MIDEAS: variants seen among roughly 807,000 people sequenced by gnomAD.
MIDEAS encodes mitotic deacetylase-associated SANT domain protein.
In MIDEAS, 26 loss-of-function variants were observed where a neutral mutation model predicts 102.7. The ratio of observed to expected loss-of-function variants is 0.25; its 90% CI spans 0.19 to 0.35. MIDEAS has a LOEUF of 0.35. MIDEAS is among the 10% of genes least tolerant of loss of function. MIDEAS has a pLI of 1.00. For missense variants in MIDEAS, 1,231 were observed against 1,435.6 expected, an observed-to-expected ratio of 0.86 and a Z score of 2.30; for synonymous variants, 585 against 591.0, an observed-to-expected ratio of 0.99 and a Z score of 0.15.
intron 1 of MIDEAS, among the ~76,000 whole-genome samples, chr14:73,768,630 G>A (rs2053612548): frequency 1.3e-5 from 2 of 150,828 alleles, no homozygotes; most frequent in South Asian, 4.2e-4. Flanking sequence ...GACTACAGGT[G>A]TGCACCACCA....
chr14:73,779,891 G>T (rs563105852), intron 1 of MIDEAS, among the ~76,000 whole-genome samples: 6 of 124,642 alleles, frequency 4.8e-5, no homozygotes, highest in South Asian at 5.2e-4. Flanking sequence ...ATTTTTTTTT[G>T]AGACAGAGTC....
At chr14:73,789,553 T>G (rs2053849679), upstream of MIDEAS, among the ~76,000 whole-genome samples, 1 of 152,214 alleles carries the variant, frequency 6.6e-6, no homozygotes, top group African/African-American at 2.4e-5. Context: ...CTTAAGCTGC[T>G]GTGTTTTGAG....
chr14:73,746,968 G>A (rs574055500), intron 1 of MIDEAS, among the ~76,000 whole-genome samples: 35 of 152,284 alleles, frequency 2.3e-4, no homozygotes, highest in African/African-American at 5.8e-4. Context: ...CCCGTGCAGG[G>A]ACTAGGGGTA....
intron 1 of MIDEAS, among the ~76,000 whole-genome samples, chr14:73,772,418 C>T (rs2053649911): frequency 6.6e-6 from 1 of 152,204 alleles, no homozygotes; most frequent in South Asian, 2.1e-4. Flanking sequence ...AGTTTTTATG[C>T]ACTTATGCAA....
intron 1 of MIDEAS, among the ~76,000 whole-genome samples, chr14:73,745,313 T>A (rs758803854): frequency 6.6e-6 from 1 of 152,148 alleles, no homozygotes; most frequent in Admixed American, 6.5e-5. Flanking sequence ...CCACAACACA[T>A]GCAGGCCAAC....
At chr14:73,778,611 C>A (rs1221019659) in intron 1 of MIDEAS, among the ~76,000 whole-genome samples, 2 of 151,880 alleles carry the variant, frequency 1.3e-5, no homozygotes, top group Non-Finnish European at 2.9e-5. Flanking sequence ...ACAGAGGAAG[C>A]AGACACATCT....
chr14:73,740,863 G>A lies in MIDEAS; in HGVS notation c.-247-608C>T, dbSNP rs144114407. ...TCCTCCTGTGCAGCCCCAGAGTCAG[G>A]AGCTCCAACAGACCCTTGTAGAGTC... On this transcript the variant is annotated intron_variant, in intron 1 of 12. Transcript: ENST00000423556. Among the ~76,000 whole-genome samples, 165 of 152,374 alleles carry A rather than the reference G, an allele frequency of 1.1e-3. 1 individual carries two copies. Among genetic ancestry groups the A allele is most frequent in the East Asian group, 3.5e-3 (18 of 5,194 alleles).
At chr14:73,757,279 C>CAAAAAAAAAA (rs370387448) in intron 1 of MIDEAS, among the ~76,000 whole-genome samples, 2,834 of 67,038 alleles carry the variant, frequency 0.042, 203 homozygotes, top group African/African-American at 0.082. Context: ...CTCTAACAAC[C>CAAAAAAAAAA]AAAAAAAAAA....
In MIDEAS at chr14:73,739,279, G is replaced by A. The variant is rs1206866427; in HGVS notation, c.730C>T (p.Pro244Ser). 6.2e-7 allele frequency: 1 copy of A among 1,612,088 alleles called. No individual in the cohort carries two copies. Residue 244 changes from proline (P) to serine (S), a missense_variant, in exon 2 of 13, where the codon CCT becomes TCT. Pro to Ser is a moderately conservative substitution (Grantham distance 74). Coordinates refer to ENST00000423556, the MANE Select transcript of MIDEAS (RefSeq NM_001367710.1). ...PPPPNPVAAF[P>S]PQKQQQQQQP... is the part of the protein sequence containing the mutation. ...TGCTGCTGCTGCTGCTTCTGTGGAG[G>A]GAAGGCAGCCACCGGGTTTGGGGGC...
Position 73,719,299 on chromosome 14 carries a change from C to A in MIDEAS, c.3134+6G>T. On this transcript the variant is annotated splice_donor_region_variant and intron_variant, in intron 12 of 12. Coordinates refer to ENST00000423556, the MANE Select transcript of MIDEAS (RefSeq NM_001367710.1). ...GTCCCAGCGGGGACAGCGCTGCCCA[C>A]CTTACCTGCCACATTTTTTACAGGG... 6.2e-7 allele frequency: 1 copy of A among 1,613,070 alleles called. No homozygotes were observed. The highest frequency in any genetic ancestry group is 8.5e-7 in the Non-Finnish European group (1 of 1,179,790).
At chr14:73,758,499 A>T (rs373088049) in intron 1 of MIDEAS, among the ~76,000 whole-genome samples, 1 of 152,182 alleles carries the variant, frequency 6.6e-6, no homozygotes, top group East Asian at 1.9e-4. Context: ...CTGCTGGAGC[A>T]AGCCAGACAT....
At position 73,725,506 on chromosome 14, in the gene MIDEAS, C is replaced by T. The variant is rs2053049140; in HGVS notation, c.2486-146G>A. On this transcript the variant is annotated intron_variant, in intron 8 of 12. Transcript: ENST00000423556. This position sits in a 1 kb window ranked among gnomAD's most constrained non-coding sequence, Gnocchi z 4.1. The stretch of plus-strand genomic sequence containing the variant: ...GGCTCCTCGTCCCACTTCCATGTGC[C>T]TCACAGCCTCGCTCCCTTGCTTGTG... The T allele has an allele frequency of 1.6e-6, 1 of 641,310 alleles. No homozygotes were observed. The highest frequency in any genetic ancestry group is 1.8e-5 in the African/African-American group (1 of 55,048). The allele number at this position is 641,310 out of a possible 1,614,324, so 39.7% of individuals were successfully genotyped here.
chr14:73,715,980 A>G lies in MIDEAS; in HGVS notation c.*2863T>C, dbSNP rs1270177909. On this transcript the variant is annotated 3_prime_UTR_variant, in exon 13 of 13. Transcript: ENST00000423556. The stretch of plus-strand genomic sequence containing the variant: ...AGAAATGGTCTGCAACACAGGCACT[A>G]GGTCAGTTTCCCGCCCTTAGCTGAA... 6.6e-6 allele frequency: 1 copy of G among 152,374 alleles called. No individual in the cohort carries two copies. Among genetic ancestry groups the G allele is most frequent in the East Asian group, 1.9e-4 (1 of 5,200 alleles). The allele number at this position is 152,374 out of a possible 1,614,324, so 9.4% of individuals were successfully genotyped here. A position where few individuals can be genotyped will look rare whatever the true frequency, so the allele number is the denominator to read the frequency against.
intron 10 of MIDEAS, chr14:73,722,457 T>C (rs1238608493): frequency 3.6e-5 from 13 of 365,750 alleles, no homozygotes; most frequent in Admixed American, 2.2e-4. Flanking sequence ...AGGAAGATGA[T>C]GCTGGTGTGA....
intron 1 of MIDEAS, among the ~76,000 whole-genome samples, chr14:73,775,334 T>C (rs2053680424): frequency 6.6e-6 from 1 of 152,032 alleles, no homozygotes; most frequent in Non-Finnish European, 1.5e-5. Context: ...GGGGGTGATA[T>C]GACCAAAGCT....
chr14:73,759,013 C>T lies in MIDEAS; in HGVS notation c.-248+750G>A, dbSNP rs1404252287. Among the ~76,000 whole-genome samples the T allele has an allele frequency of 2.6e-5, 4 of 152,192 alleles. No homozygotes were observed. The South Asian group carries it at 8.3e-4, about 31-fold the overall frequency. ...GGGTTTCGGCGCTGCCGCCAGGCAC[C>T]AGGGAACACAGCTCCCCGCGAGGCA... On this transcript the variant is annotated intron_variant, in intron 1 of 12. Transcript: ENST00000423556. The surrounding 1 kb of genome is among the most constrained non-coding windows in gnomAD (Gnocchi z 6.7).
chr14:73,740,669 C>G (rs2053270916), intron 1 of MIDEAS, among the ~76,000 whole-genome samples: 1 of 152,252 alleles, frequency 6.6e-6, no homozygotes, highest in Non-Finnish European at 1.5e-5. Context: ...TTACCCAGGC[C>G]CTAGCCCCCT....
At chr14:73,770,143 T>G (rs1337831224) in intron 1 of MIDEAS, among the ~76,000 whole-genome samples, 1 of 151,978 alleles carries the variant, frequency 6.6e-6, no homozygotes, top group African/African-American at 2.4e-5. Context: ...TATGAAAGGA[T>G]GGACAGAGGG....
In MIDEAS at chr14:73,772,941, T is replaced by C. The variant is rs543474247; in HGVS notation, c.-248+14161A>G. 2.6e-5 allele frequency among the ~76,000 whole-genome samples: 4 copies of C among 151,746 alleles called. No individual in the cohort carries two copies. The South Asian group carries it at 8.3e-4, about 32-fold the overall frequency. ...TGCAACCTCCACCCCCCAGTTCAAG[T>C]GATTCTCCTGCCTCAGCCTCCCGAG... On this transcript the variant is annotated intron_variant, in intron 1 of 11. Transcript: ENST00000394071.
Sources: allele counts gnomAD v4.1 joint callset (sites outside exome capture counted in the v4.1 genomes callset), GRCh38; gene constraint gnomAD v4.1.1; non-coding constraint Gnocchi (gnomAD v3.1); transcripts MANE v1.5; gene names NCBI Gene and HGNC (gene_info 2026-07-23, HGNC 2026-07-21).